The following SS18 variants were observed in gnomAD, a reference collection of about 807,000 sequenced individuals.
SS18 encodes protein SSXT.
Under a neutral mutation model 72.5 loss-of-function variants are expected in SS18, and 28 were observed. That is an observed-to-expected ratio of 0.39 (90% confidence interval 0.29 to 0.53). The LOEUF is 0.53. SS18 is among the 20% of genes least tolerant of loss of function. The probability of loss-of-function intolerance (pLI) is 0.76; values close to 1 mark genes in which losing one functional copy is unlikely to be tolerated. For missense variants in SS18, 518 were observed against 535.3 expected (o/e 0.97, Z 0.32); for synonymous variants, 172 against 164.2 (o/e 1.05, Z -0.37).
rs1303923251 is a variant in SS18, at chr18:26,016,866, T to C, written c.*1488A>G. ...TGATTACAGTATGTTGAGAACAGTA[T>C]GTTCTGCTTATTCAAATTTATGACG... is the stretch of plus-strand genomic sequence containing the variant. On this transcript the variant is annotated 3_prime_UTR_variant, in exon 11 of 11. Coordinates refer to ENST00000415083, the MANE Select transcript of SS18 (RefSeq NM_001007559.3). 1 of 230,710 alleles carries C rather than the reference T, an allele frequency of 4.3e-6. No individual in the cohort carries two copies. Among genetic ancestry groups the C allele is most frequent in the African/African-American group, 2.2e-5 (1 of 45,184 alleles). 14.3% of individuals were successfully genotyped at this position (230,710 alleles called of 1,614,324 possible).
chr18:26,083,236 T>C (rs1271677417), intron 2 of SS18, among the ~76,000 whole-genome samples: 2 of 151,806 alleles, frequency 1.3e-5, no homozygotes, highest in African/African-American at 4.9e-5. Flanking sequence ...TAATCCAATA[T>C]GTAGAGAATG....
intron 3 of SS18, among the ~76,000 whole-genome samples, chr18:26,060,891 G>A (rs1178382704): frequency 1.3e-5 from 2 of 151,216 alleles, no homozygotes; most frequent in African/African-American, 4.9e-5. Context: ...GGGAGGTGGA[G>A]GCTGCAGTGA....
chr18:26,080,307 G>A (rs1300276735), intron 2 of SS18: 4 of 983,810 alleles, frequency 4.1e-6, no homozygotes, highest in East Asian at 2.3e-4. Context: ...CACATAACCT[G>A]TTTCAGTCTA....
chr18:26,046,280 C>A (rs1256321559), intron 5 of SS18, among the ~76,000 whole-genome samples: 1 of 150,724 alleles, frequency 6.6e-6, no homozygotes, highest in African/African-American at 2.4e-5. Context: ...TTGTAAAAAT[C>A]CTGTCAAGAA....
intron 1 of SS18, among the ~76,000 whole-genome samples, chr18:26,088,385 G>C (rs1185718168): frequency 6.6e-6 from 1 of 152,112 alleles, no homozygotes; most frequent in Non-Finnish European, 1.5e-5. Context: ...TAGTTTCCAA[G>C]TTTTATAACA....
At chr18:26,076,205 T>C (rs935828588) in intron 3 of SS18, among the ~76,000 whole-genome samples, 3 of 151,142 alleles carry the variant, frequency 2.0e-5, no homozygotes, top group Non-Finnish European at 4.4e-5. Context: ...TATGTGTATA[T>C]AACCTGACAT....
intron 3 of SS18, among the ~76,000 whole-genome samples, chr18:26,063,467 C>T (rs2054160525): frequency 6.6e-6 from 1 of 152,084 alleles, no homozygotes; most frequent in East Asian, 1.9e-4. Flanking sequence ...GGCAGTGAGC[C>T]GACCATGCCA....
chr18:26,032,734 C>G (rs2053564900), intron 9 of SS18, among the ~76,000 whole-genome samples: 2 of 152,152 alleles, frequency 1.3e-5, no homozygotes, highest in African/African-American at 4.8e-5. Context: ...TGTTACTTCA[C>G]TATAATTATC....
At position 26,035,627 on chromosome 18, in the gene SS18, G is replaced by T. The variant is rs1372736486; in HGVS notation, c.973+204C>A. Reference sequence around the variant, plus strand: ...TTAATGTTTTAGTCTTTTTATTATTGTTAGAAATGGCAAGTCATGGTTATA... The same window carrying T: ...TTAATGTTTTAGTCTTTTTATTATTTTTAGAAATGGCAAGTCATGGTTATA... On this transcript the variant is annotated intron_variant, in intron 8 of 10. Coordinates refer to ENST00000415083, the MANE Select transcript of SS18 (RefSeq NM_001007559.3). This position sits in a 1 kb window ranked among gnomAD's most constrained non-coding sequence, Gnocchi z 4.4. 1.5e-5 allele frequency: 6 copies of T among 399,652 alleles called. No homozygotes were observed. In the East Asian group the frequency reaches 2.2e-4, roughly 15 times the overall value. The allele number at this position is 399,652 out of a possible 1,614,324, so 24.8% of individuals were successfully genotyped here.
chr18:26,087,631 A>T, intron 1 of SS18, 54 bp from the exon 2 acceptor site: 1 of 1,043,476 alleles, frequency 9.6e-7, no homozygotes, highest in Non-Finnish European at 1.5e-6. Flanking sequence ...AAGTAAAATA[A>T]AAAACTAGAA....
Position 26,053,461 on chromosome 18 carries a change from A to G in SS18, c.386-616T>C, listed in dbSNP as rs531757895. ...TAAGTATGCCAGAAAACCCTGAGCC[A>G]TAAAACATTGATAAATTAGACTATA... On this transcript the variant is annotated intron_variant, in intron 4 of 10. Coordinates refer to ENST00000415083, the MANE Select transcript of SS18 (RefSeq NM_001007559.3). Among the ~76,000 whole-genome samples the G allele has an allele frequency of 2.6e-5, 4 of 152,134 alleles. No individual in the cohort carries two copies. The South Asian group carries it at 6.2e-4, about 24-fold the overall frequency.
rs376914138 is a variant in SS18, at chr18:26,065,258, C to G, written c.232-7516G>C. On this transcript the variant is annotated intron_variant, in intron 3 of 10. Transcript: ENST00000415083. ...ACTTTGCATGAAAATGCAAAGGACCCAGAATGGCCAGGAAAATCTTGGGGA... is the reference window on the plus strand; with the variant it reads ...ACTTTGCATGAAAATGCAAAGGACCGAGAATGGCCAGGAAAATCTTGGGGA... Among the ~76,000 whole-genome samples the G allele has an allele frequency of 2.0e-5, 3 of 152,056 alleles. No individual in the cohort carries two copies. In the East Asian group the frequency reaches 5.8e-4, roughly 29 times the overall value.
At chr18:26,090,716 G>A, upstream of SS18, 5 of 814,486 alleles carry the variant, frequency 6.1e-6, no homozygotes, top group South Asian at 5.0e-5. Context: ...CGGCGGGGCA[G>A]GCCTGAAGGA....
chr18:26,039,656 A>C (rs1289855838), intron 5 of SS18, among the ~76,000 whole-genome samples, 200 bp from the exon 6 acceptor site: 1 of 152,176 alleles, frequency 6.6e-6, no homozygotes, highest in Non-Finnish European at 1.5e-5. Context: ...AAAATAACCA[A>C]TCCATGGTGG....
chr18:26,034,899 T>C, intron 9 of SS18, 106 bp downstream of exon 9: 3 of 1,408,038 alleles, frequency 2.1e-6, no homozygotes, highest in Non-Finnish European at 2.8e-6. Context: ...AAACTGAATT[T>C]TCAAGTGATA....
intron 3 of SS18, among the ~76,000 whole-genome samples, chr18:26,066,142 G>A (rs1395262622): frequency 6.6e-6 from 1 of 151,818 alleles, no homozygotes; most frequent in Non-Finnish European, 1.5e-5. Flanking sequence ...ATGTGTTTGT[G>A]TAATGATTTA....
intron 3 of SS18, among the ~76,000 whole-genome samples, chr18:26,075,243 A>ATGT: frequency 6.6e-6 from 1 of 151,948 alleles, no homozygotes; most frequent in Non-Finnish European, 1.5e-5. Flanking sequence ...TAGCCTCAAA[A>ATGT]TAAAAACCAG....
In SS18 at chr18:26,018,655, A is replaced by G. The variant is rs571062347; in HGVS notation, c.1231-275T>C. Among the ~76,000 whole-genome samples, 29 of 152,350 alleles carry G rather than the reference A, an allele frequency of 1.9e-4. No individual in the cohort carries two copies. The South Asian group carries it at 5.8e-3, about 30-fold the overall frequency. On this transcript the variant is annotated intron_variant, in intron 10 of 10. Transcript: ENST00000415083. ...TGTCAGAGTGGGAACTTAAATGTTT[A>G]GTGAATTTTGTTGAATGAATTGAGC...
chr18:26,076,265 T>G (rs2054409994), intron 3 of SS18, among the ~76,000 whole-genome samples: 1 of 150,794 alleles, frequency 6.6e-6, no homozygotes, highest in Admixed American at 6.6e-5. Context: ...AGCCAAGATA[T>G]TCTTGGAAAA....
Sources: allele counts gnomAD v4.1 joint callset (sites outside exome capture counted in the v4.1 genomes callset), GRCh38; gene constraint gnomAD v4.1.1; non-coding constraint Gnocchi (gnomAD v3.1); transcripts MANE v1.5; gene names NCBI Gene and HGNC (gene_info 2026-07-23, HGNC 2026-07-21).